GLIS3: variants seen among roughly 807,000 people sequenced by gnomAD.
GLIS3 encodes zinc finger protein GLIS3.
A neutral mutation model predicts 78.6 loss-of-function variants in GLIS3; 53 were observed. That is an observed-to-expected ratio of 0.67 (90% CI 0.54 to 0.85). The LOEUF (loss-of-function observed/expected upper bound fraction) is 0.85. GLIS3 is among the 40% of genes least tolerant of loss of function. The pLI, the probability that GLIS3 is intolerant of heterozygous loss-of-function variation, is 0.00. For missense variants in GLIS3, 1,703 were observed against 1,231.1 expected (o/e 1.38, Z -5.74); for synonymous variants, 684 against 509.9 (o/e 1.34, Z -4.60).
chr9:4,441,556 T>G, the GLIS3 span, among the ~76,000 whole-genome samples: 4 of 152,188 alleles, frequency 2.6e-5, no homozygotes, highest in African/African-American at 9.6e-5. Flanking sequence ...AGTGTTTTGT[T>G]GAGGATTTTT....
chr9:3,905,180 T>A (rs373883784), intron 6 of GLIS3, among the ~76,000 whole-genome samples: 1 of 123,610 alleles, frequency 8.1e-6, no homozygotes, highest in African/African-American at 3.1e-5. Context: ...TTAGTAGAGA[T>A]GGGGTTTCAC....
chr9:4,125,342 C>G (rs1037823981), intron 3 of GLIS3, among the ~76,000 whole-genome samples: 1 of 152,172 alleles, frequency 6.6e-6, no homozygotes, highest in African/African-American at 2.4e-5. Flanking sequence ...CCTGGAAACT[C>G]TGCATCATAT....
intron 4 of GLIS3, among the ~76,000 whole-genome samples, chr9:4,111,814 G>A (rs1461258415): frequency 6.6e-6 from 1 of 152,178 alleles, no homozygotes; most frequent in African/African-American, 2.4e-5. Flanking sequence ...ATATGACTTG[G>A]AAGCTACACT....
At chr9:4,184,430 C>G (rs1487257165) in intron 2 of GLIS3, among the ~76,000 whole-genome samples, 1 of 152,174 alleles carries the variant, frequency 6.6e-6, no homozygotes, top group African/African-American at 2.4e-5. Flanking sequence ...TCGAATACCC[C>G]CACTTCAAAG....
chr9:3,846,955 A>AG (rs964881403), intron 9 of GLIS3, among the ~76,000 whole-genome samples: 10 of 152,226 alleles, frequency 6.6e-5, no homozygotes, highest in Admixed American at 3.3e-4. Flanking sequence ...AGGCTAAGGC[A>AG]GGGGGGTCAC....
the GLIS3 span, among the ~76,000 whole-genome samples, chr9:4,426,411 T>A: frequency 6.6e-6 from 1 of 152,240 alleles, no homozygotes; most frequent in Non-Finnish European, 1.5e-5. Context: ...GTTGAACTGT[T>A]TATTTTCAGT....
chr9:3,981,471 G>A (rs1819278844), intron 4 of GLIS3, among the ~76,000 whole-genome samples: 1 of 152,128 alleles, frequency 6.6e-6, no homozygotes, highest in Non-Finnish European at 1.5e-5. Flanking sequence ...CGGCAGCTCA[G>A]CCATCACCTC....
chr9:4,094,183 G>T (rs775428773), intron 4 of GLIS3, among the ~76,000 whole-genome samples: 3 of 152,192 alleles, frequency 2.0e-5, no homozygotes, highest in Non-Finnish European at 4.4e-5. Context: ...AAGCAGGAAC[G>T]AGAGGAACTG....
At chr9:4,116,743 T>C (rs1564070816) in intron 4 of GLIS3, among the ~76,000 whole-genome samples, 2 of 152,262 alleles carry the variant, frequency 1.3e-5, no homozygotes, top group South Asian at 4.1e-4. Flanking sequence ...AATTGATTTA[T>C]ATATTTCACA....
intron 4 of GLIS3, among the ~76,000 whole-genome samples, chr9:4,107,775 C>A (rs1215144122): frequency 1.3e-5 from 2 of 151,028 alleles, no homozygotes; most frequent in African/African-American, 4.9e-5. Flanking sequence ...ACATGGCTGG[C>A]ATCATTTTCT....
intron 2 of GLIS3, among the ~76,000 whole-genome samples, chr9:4,149,221 G>C (rs893463630): frequency 6.6e-6 from 1 of 152,180 alleles, no homozygotes; most frequent in African/African-American, 2.4e-5. Context: ...TGGTGCCAGA[G>C]GAGGATGCCT....
At chr9:4,320,648 T>G (rs1232948976) in intron 2 of GLIS3, among the ~76,000 whole-genome samples, 1 of 152,060 alleles carries the variant, frequency 6.6e-6, no homozygotes, top group African/African-American at 2.4e-5. Context: ...ATCATTACTG[T>G]TGCCACCATC....
chr9:4,309,714 T>C (rs920363193), intron 3 of GLIS3, among the ~76,000 whole-genome samples: 3 of 152,256 alleles, frequency 2.0e-5, no homozygotes, highest in African/African-American at 7.2e-5. Flanking sequence ...GTGTTTTATT[T>C]ACTCTCATTT....
intron 7 of GLIS3, among the ~76,000 whole-genome samples, chr9:3,880,109 G>C (rs1821628057): frequency 6.6e-6 from 1 of 152,172 alleles, no homozygotes; most frequent in South Asian, 2.1e-4. Flanking sequence ...ATCCTAGCAT[G>C]AACGTAGGAT....
chr9:4,080,917 A>C (rs1828508174), intron 4 of GLIS3, among the ~76,000 whole-genome samples: 2 of 152,170 alleles, frequency 1.3e-5, no homozygotes, highest in South Asian at 4.1e-4. Context: ...CTCTCAAGGA[A>C]ACGGTGTTTG....
chr9:4,477,715 G>C, the GLIS3 span, among the ~76,000 whole-genome samples: 34 of 152,228 alleles, frequency 2.2e-4, no homozygotes, highest in African/African-American at 7.0e-4. Context: ...CTCCTGGCTA[G>C]AGGTTAGTGT....
intron 6 of GLIS3, among the ~76,000 whole-genome samples, chr9:3,931,108 C>T (rs1438891720): frequency 6.6e-6 from 1 of 152,166 alleles, no homozygotes; most frequent in East Asian, 1.9e-4. Context: ...AGAAATTTAA[C>T]TACATTTCTA....
chr9:4,376,339 A>G, the GLIS3 span, among the ~76,000 whole-genome samples: 2 of 152,234 alleles, frequency 1.3e-5, no homozygotes, highest in Non-Finnish European at 1.5e-5. Context: ...GAGATTTCAG[A>G]GGCTGAAGAT....
At chr9:4,218,909 T>A (rs1366370617) in intron 2 of GLIS3, among the ~76,000 whole-genome samples, 2 of 152,220 alleles carry the variant, frequency 1.3e-5, no homozygotes, top group African/African-American at 4.8e-5. Flanking sequence ...AGAGCACTCA[T>A]AACTATCAAC....
Sources: gnomAD v4.1 joint callset for allele counts (sites outside exome capture counted in the v4.1 genomes callset) on GRCh38, gnomAD v4.1.1 for gene constraint, MANE v1.5 for transcripts, NCBI Gene and HGNC (gene_info 2026-07-23, HGNC 2026-07-21) for gene names.